Variants in INPP5A observed in about 807,000 individuals in gnomAD.
The protein encoded by INPP5A is 43 kDa inositol polyphosphate 5-phophatase.
A neutral mutation model predicts 65.2 loss-of-function variants in INPP5A; 14 were observed. The ratio of observed to expected loss-of-function variants is 0.21; its 90% CI spans 0.14 to 0.34. The LOEUF is 0.34. Ranked by LOEUF, INPP5A falls within the 10% of genes least tolerant of loss-of-function variation. The pLI, the probability that INPP5A is intolerant of heterozygous loss-of-function variation, is 1.00. For missense variants in INPP5A, 431 were observed against 545.6 expected (o/e 0.79, Z 2.09); for synonymous variants, 207 against 208.3 (o/e 0.99, Z 0.05).
At chr10:132,681,649 A>G (rs948354953) in intron 4 of INPP5A, among the ~76,000 whole-genome samples, 1 of 152,196 alleles carries the variant, frequency 6.6e-6, no homozygotes, top group Non-Finnish European at 1.5e-5. Flanking sequence ...GGGTAGAAAT[A>G]TAACAGGGGG....
chr10:132,565,919 G>A (rs1439920077), intron 1 of INPP5A, among the ~76,000 whole-genome samples: 2 of 152,024 alleles, frequency 1.3e-5, no homozygotes, highest in African/African-American at 4.8e-5. Context: ...GTGTGTGGAG[G>A]TACCTTCAGT....
At chr10:132,540,716 C>G (rs2070895586) in intron 1 of INPP5A, among the ~76,000 whole-genome samples, 1 of 152,232 alleles carries the variant, frequency 6.6e-6, no homozygotes, top group African/African-American at 2.4e-5. Context: ...TTCTGTTTGC[C>G]TTTGTGCAGC....
intron 1 of INPP5A, among the ~76,000 whole-genome samples, chr10:132,582,153 G>T (rs2071492242): frequency 6.6e-6 from 1 of 152,028 alleles, no homozygotes; most frequent in Admixed American, 6.6e-5. Context: ...TTTCTTAATG[G>T]CAGTTTCCAT....
chr10:132,578,388 G>A (rs1275548768), intron 1 of INPP5A, among the ~76,000 whole-genome samples: 1 of 151,382 alleles, frequency 6.6e-6, no homozygotes, highest in Non-Finnish European at 1.5e-5. Context: ...GGAGCACCTC[G>A]GCCGGCATTC....
intron 1 of INPP5A, among the ~76,000 whole-genome samples, chr10:132,582,592 A>C (rs956336200): frequency 1.3e-5 from 2 of 151,966 alleles, no homozygotes; most frequent in African/African-American, 4.8e-5. Flanking sequence ...TACTTTTAAA[A>C]ATAATTTTTG....
intron 1 of INPP5A, among the ~76,000 whole-genome samples, chr10:132,544,416 C>T (rs548085293): frequency 1.3e-4 from 20 of 152,104 alleles, no homozygotes; most frequent in African/African-American, 4.3e-4. Flanking sequence ...CGGCAATGGG[C>T]GTGGCTGGAG....
At chr10:132,734,732 C>T (rs1320976831) in intron 9 of INPP5A, among the ~76,000 whole-genome samples, 2 of 152,262 alleles carry the variant, frequency 1.3e-5, no homozygotes, top group African/African-American at 2.4e-5. Flanking sequence ...CCCCACCTCT[C>T]TTCAGTTCTC....
chr10:132,677,647 G>A (rs957437979), intron 4 of INPP5A, among the ~76,000 whole-genome samples: 1 of 152,194 alleles, frequency 6.6e-6, no homozygotes, highest in Non-Finnish European at 1.5e-5. Context: ...TCCTCACCGT[G>A]GTAATCGGAA....
chr10:132,667,919 A>G (rs2072829006), intron 4 of INPP5A, among the ~76,000 whole-genome samples: 1 of 152,206 alleles, frequency 6.6e-6, no homozygotes, highest in Non-Finnish European at 1.5e-5. Flanking sequence ...ATTCGCCGCC[A>G]TGCACCAATT....
rs147655916 is a variant in INPP5A at position 132,634,594 on chromosome 10, C to T, written c.118-11274C>T. On this transcript the variant is annotated intron_variant, in intron 2 of 15. Coordinates refer to ENST00000368594, the MANE Select transcript of INPP5A (RefSeq NM_005539.5). ...AGATCCATTGAGTGCCAAGGGAGGG[C>T]GCTAAAGTCTCCTACAGTGGTTGTG... 8.0e-3 allele frequency among the ~76,000 whole-genome samples: 1,215 copies of T among 152,368 alleles called. 6 individuals are homozygous for T. The highest frequency in any genetic ancestry group is 0.013 in the Non-Finnish European group (891 of 68,038).
chr10:132,634,030 A>G (rs1438155440), intron 2 of INPP5A, among the ~76,000 whole-genome samples: 2 of 152,266 alleles, frequency 1.3e-5, no homozygotes, highest in Non-Finnish European at 1.5e-5. Flanking sequence ...TAGGTATTTC[A>G]AAGAATACAG....
In INPP5A at chr10:132,698,408, A is replaced by G. The variant is rs1448139381; in HGVS notation, c.474+489A>G. ...GTCCCGGCAGTTATGCCTGCGTCAC[A>G]CGGAGAGATTAGAATCAAAATGTGT... On this transcript the variant is annotated intron_variant, in intron 6 of 15. Coordinates refer to ENST00000368594, the MANE Select transcript of INPP5A (RefSeq NM_005539.5). This position sits in a 1 kb window ranked among gnomAD's most constrained non-coding sequence, Gnocchi z 5.5. Among the ~76,000 whole-genome samples, 1 of 152,226 alleles carries G rather than the reference A, an allele frequency of 6.6e-6. No individual in the cohort carries two copies.
chr10:132,690,557 T>C, intron 5 of INPP5A, 102 bp downstream of exon 5: 1 of 860,594 alleles, frequency 1.2e-6, no homozygotes, highest in East Asian at 2.4e-5. Context: ...GAGTGGCCAC[T>C]GTGGGCTGGG....
intron 4 of INPP5A, among the ~76,000 whole-genome samples, chr10:132,689,021 G>A (rs1845208554): frequency 6.6e-6 from 1 of 150,866 alleles, no homozygotes; most frequent in Non-Finnish European, 1.5e-5. Flanking sequence ...TTGTGCGTGA[G>A]TGCATATATG....
chr10:132,596,131 C>T (rs1105367), intron 1 of INPP5A, among the ~76,000 whole-genome samples: 37,453 of 152,064 alleles, frequency 0.25, 5,461 homozygotes, highest in East Asian at 0.5. Context: ...ATTAACCAAA[C>T]GTGGCTGTAC....
chr10:132,777,664 T>C lies in INPP5A; in HGVS notation c.978-7T>C, dbSNP rs1847087401. The C allele has an allele frequency of 6.2e-7, 1 of 1,611,438 alleles. No homozygotes were observed. The highest frequency in any genetic ancestry group is 1.7e-5 in the Admixed American group (1 of 59,982). The stretch of plus-strand genomic sequence containing the variant: ...CCGGCTGACCCTCTGCCTTCATGTC[T>C]CCCCAGCTACCCGTACAGTGAGGAC... On this transcript the variant is annotated splice_polypyrimidine_tract_variant and splice_region_variant and intron_variant, in intron 12 of 15. Coordinates refer to ENST00000368594, the MANE Select transcript of INPP5A (RefSeq NM_005539.5).
intron 9 of INPP5A, among the ~76,000 whole-genome samples, chr10:132,748,057 A>T (rs1248692950): frequency 5.9e-5 from 9 of 152,194 alleles, no homozygotes; most frequent in Admixed American, 1.3e-4. Context: ...CTGCAAAAAA[A>T]TTTTTTTTAT....
intron 9 of INPP5A, among the ~76,000 whole-genome samples, chr10:132,738,963 G>A (rs961319442): frequency 1.3e-5 from 2 of 152,170 alleles, no homozygotes; most frequent in African/African-American, 4.8e-5. Context: ...GTCCCCCTTC[G>A]GGTCTAGGGT....
chr10:132,540,464 T>G (rs2070893297), intron 1 of INPP5A, among the ~76,000 whole-genome samples: 1 of 152,246 alleles, frequency 6.6e-6, no homozygotes, highest in Non-Finnish European at 1.5e-5. Context: ...CAGGGCTGAG[T>G]GGAAACTTAT....
Sources: allele counts gnomAD v4.1 joint callset (sites outside exome capture counted in the v4.1 genomes callset), GRCh38; gene constraint gnomAD v4.1.1; non-coding constraint Gnocchi (gnomAD v3.1); transcripts MANE v1.5; gene names NCBI Gene and HGNC (gene_info 2026-07-23, HGNC 2026-07-21).